RPS6KA1: variants seen among roughly 807,000 people sequenced by gnomAD.
The protein encoded by RPS6KA1 is ribosomal protein S6 kinase A1.
RPS6KA1 carries 48 observed loss-of-function variants against 91.3 expected under a neutral mutation model. That is an observed-to-expected ratio of 0.53 (90% CI 0.42 to 0.67). The LOEUF (loss-of-function observed/expected upper bound fraction) is 0.67. RPS6KA1 is among the 30% of genes least tolerant of loss of function. The pLI is 0.00. For missense variants in RPS6KA1, 719 were observed against 960.5 expected (o/e 0.75, Z 3.32); for synonymous variants, 359 against 384.7 (o/e 0.93, Z 0.78).
At chr1:26,542,145 CG>C (rs1481115562) in intron 2 of RPS6KA1, among the ~76,000 whole-genome samples, 3 of 152,164 alleles carry the variant, frequency 2.0e-5, no homozygotes, top group Non-Finnish European at 4.4e-5. Flanking sequence ...TATCTCAGCC[CG>C]TATCTGGAGA....
intron 2 of RPS6KA1, chr1:26,544,127 T>C (rs1251354240): frequency 2.2e-6 from 1 of 456,340 alleles, no homozygotes; most frequent in East Asian, 7.0e-5. Context: ...TGGGGATCCC[T>C]GCCCTGCTGC....
At chr1:26,541,122 T>C (rs1463427057) in intron 2 of RPS6KA1, among the ~76,000 whole-genome samples, 1 of 151,730 alleles carries the variant, frequency 6.6e-6, no homozygotes, top group Non-Finnish European at 1.5e-5. Context: ...ATTAGCCAGA[T>C]GTGGTGGTAC....
At position 26,554,755 on chromosome 1, in the gene RPS6KA1, G is replaced by C; in HGVS notation, c.756+17G>C. The stretch of plus-strand genomic sequence containing the variant: ...GTGTTGATGGTGAGTGCCCAGACAG[G>C]GGTAAAGGATCCAGCCCAAGCCTCT... On this transcript the variant is annotated intron_variant, in intron 9 of 21. Coordinates refer to ENST00000374168, the MANE Select transcript of RPS6KA1 (RefSeq NM_002953.4). The surrounding 1 kb of genome is among the most constrained non-coding windows in gnomAD (Gnocchi z 4.6). The C allele has an allele frequency of 6.3e-7, 1 of 1,587,916 alleles. No individual in the cohort carries two copies. The highest frequency in any genetic ancestry group is 8.6e-7 in the Non-Finnish European group (1 of 1,160,902).
At position 26,561,064 on chromosome 1, in the gene RPS6KA1, G is replaced by A. The variant is rs757431803; in HGVS notation, c.1361G>A (p.Arg454Gln). ...CTTCAGGTCATTGATAAGAGCAAGCGGGATCCTTCAGAAGAGATTGAGATT... is the reference window on the plus strand; with the variant it reads ...CTTCAGGTCATTGATAAGAGCAAGCAGGATCCTTCAGAAGAGATTGAGATT... ...YAVKVIDKSKRDPSEEIEILL... is the reference protein window; with the variant it reads ...YAVKVIDKSKQDPSEEIEILL... The change falls in exon 16 of 22, where the codon CGG becomes CAG. Residue 454 changes from arginine (R) to glutamine (Q), a missense_variant. Coordinates refer to ENST00000374168, the MANE Select transcript of RPS6KA1 (RefSeq NM_002953.4). This position sits in a 1 kb window ranked among gnomAD's most constrained non-coding sequence, Gnocchi z 5.7. 23 of 1,613,812 alleles carry A rather than the reference G, an allele frequency of 1.4e-5. No individual in the cohort carries two copies. The highest frequency in any genetic ancestry group is 5.0e-5 in the Admixed American group (3 of 59,976).
At chr1:26,567,715 C>T (rs1570461607) in intron 17 of RPS6KA1, among the ~76,000 whole-genome samples, 1 of 152,154 alleles carries the variant, frequency 6.6e-6, no homozygotes, top group African/African-American at 2.4e-5. Context: ...GTCACTGTGT[C>T]TTAACATCCA....
At chr1:26,549,531 T>C (rs904673993) in intron 4 of RPS6KA1, among the ~76,000 whole-genome samples, 4 of 150,878 alleles carry the variant, frequency 2.7e-5, no homozygotes, top group Non-Finnish European at 5.9e-5. Context: ...ATCACACCAC[T>C]GCACTCCAGC....
At chr1:26,573,944 A>G in intron 21 of RPS6KA1, 135 bp from the exon 22 acceptor site, 1 of 1,075,150 alleles carries the variant, frequency 9.3e-7, no homozygotes, top group Non-Finnish European at 1.3e-6. Flanking sequence ...TCTCAAAAAA[A>G]AAAAAACAAC....
rs1162611508 is a variant in RPS6KA1 at position 26,558,176 on chromosome 1, T to C, written c.1085-631T>C. On this transcript the variant is annotated intron_variant, in intron 13 of 21. Coordinates refer to ENST00000374168, the MANE Select transcript of RPS6KA1 (RefSeq NM_002953.4). The surrounding 1 kb of genome is among the most constrained non-coding windows in gnomAD (Gnocchi z 4.0). ...CGTGACAAGTGCAGCTTCGTAGGAG[T>C]CAGGGGCCGGAGGAGCAGCATCAGG... Among the ~76,000 whole-genome samples, 1 of 151,660 alleles carries C rather than the reference T, an allele frequency of 6.6e-6. No individual in the cohort carries two copies. Among genetic ancestry groups the C allele is most frequent in the Non-Finnish European group, 1.5e-5 (1 of 67,930 alleles).
rs187785931 is a variant in RPS6KA1 at position 26,533,359 on chromosome 1, G to C, written c.63+3376G>C. Among the ~76,000 whole-genome samples the C allele has an allele frequency of 4.6e-3, 702 of 152,214 alleles. 4 individuals are homozygous for C. Among genetic ancestry groups the C allele is most frequent in the African/African-American group, 0.016 (668 of 41,564 alleles). Reference sequence around the variant, plus strand: ...GGCCTCTTGGCCTCAGCCTCCCAAAGTGCTGGGATTACAGACATGAGCCAC... The same window carrying C: ...GGCCTCTTGGCCTCAGCCTCCCAAACTGCTGGGATTACAGACATGAGCCAC... On this transcript the variant is annotated intron_variant, in intron 1 of 21. Transcript: ENST00000374168.
chr1:26,544,321 G>C (rs763807660), intron 2 of RPS6KA1: 4 of 421,176 alleles, frequency 9.5e-6, no homozygotes, highest in African/African-American at 8.1e-5. Context: ...CATGTTAGGT[G>C]CCTGTTGTTC....
Position 26,540,793 on chromosome 1 carries a change from A to G in RPS6KA1, c.108+3824A>G, listed in dbSNP as rs948942119. On this transcript the variant is annotated intron_variant, in intron 2 of 21. Coordinates refer to ENST00000374168, the MANE Select transcript of RPS6KA1 (RefSeq NM_002953.4). The surrounding 1 kb of genome is among the most constrained non-coding windows in gnomAD (Gnocchi z 4.2). ...CAGGGAGACCCATCCTCTACAAAAA[A>G]CAAAATTTTTTTTTGAGATGGAGTT... Among the ~76,000 whole-genome samples the G allele has an allele frequency of 1.3e-5, 2 of 152,008 alleles. No individual in the cohort carries two copies. The highest frequency in any genetic ancestry group is 2.9e-5 in the Non-Finnish European group (2 of 67,998).
intron 17 of RPS6KA1, among the ~76,000 whole-genome samples, chr1:26,565,924 A>G (rs1023850075): frequency 6.6e-5 from 10 of 152,216 alleles, no homozygotes; most frequent in South Asian, 2.1e-4. Flanking sequence ...AGATCCATCC[A>G]CATTGTTTTG....
intron 2 of RPS6KA1, among the ~76,000 whole-genome samples, chr1:26,545,419 G>A (rs1417166195): frequency 2.7e-5 from 4 of 149,756 alleles, no homozygotes; most frequent in African/African-American, 7.4e-5. Flanking sequence ...CTCATGATCC[G>A]CCCGCCTCAG....
rs946837663 is a variant in RPS6KA1 at position 26,567,572 on chromosome 1, G to A, written c.1591-3877G>A. 2.0e-4 allele frequency among the ~76,000 whole-genome samples: 31 copies of A among 152,060 alleles called. 1 individual carries two copies. The highest frequency in any genetic ancestry group is 1.8e-3 in the Admixed American group (27 of 15,254). On this transcript the variant is annotated intron_variant, in intron 17 of 21. Coordinates refer to ENST00000374168, the MANE Select transcript of RPS6KA1 (RefSeq NM_002953.4). ...ACTTTTGTATTTTTAGTAGAGACGGGGTTTCTCCATGTTGGTAAGGCTGGT... is the reference window on the plus strand; with the variant it reads ...ACTTTTGTATTTTTAGTAGAGACGGAGTTTCTCCATGTTGGTAAGGCTGGT...
intron 4 of RPS6KA1, among the ~76,000 whole-genome samples, chr1:26,548,056 C>G (rs1570433431): frequency 6.6e-6 from 1 of 152,078 alleles, no homozygotes; most frequent in East Asian, 1.9e-4. Flanking sequence ...TGATCCCAGT[C>G]AGAGCCAAAT....
At position 26,547,420 on chromosome 1, in the gene RPS6KA1, C is replaced by T; in HGVS notation, c.307+150C>T. 1 of 636,590 alleles carries T rather than the reference C, an allele frequency of 1.6e-6. No individual in the cohort carries two copies. The highest frequency in any genetic ancestry group is 2.8e-6 in the Non-Finnish European group (1 of 359,842). The allele number at this position is 636,590 out of a possible 1,614,324, so 39.4% of individuals were successfully genotyped here. A position where few individuals can be genotyped will look rare whatever the true frequency, so the allele number is the denominator to read the frequency against. On this transcript the variant is annotated intron_variant, in intron 4 of 21. Coordinates refer to ENST00000374168, the MANE Select transcript of RPS6KA1 (RefSeq NM_002953.4). This position sits in a 1 kb window ranked among gnomAD's most constrained non-coding sequence, Gnocchi z 4.1. ...AGAAACAGGCCTATTTCTCAGCTAT[C>T]CCTCGCCAGCCAATCCTCCTCCCCC...
rs2075937569 is a variant in RPS6KA1, at chr1:26,540,311, G to A, written c.108+3342G>A. On this transcript the variant is annotated intron_variant, in intron 2 of 21. Coordinates refer to ENST00000374168, the MANE Select transcript of RPS6KA1 (RefSeq NM_002953.4). This position sits in a 1 kb window ranked among gnomAD's most constrained non-coding sequence, Gnocchi z 4.2. The stretch of plus-strand genomic sequence containing the variant: ...GACAGGGAAACAGATTTGCCCGGGA[G>A]CACCCAGCTAGTGAGTGGCCAGCTC... Among the ~76,000 whole-genome samples, 1 of 152,200 alleles carries A rather than the reference G, an allele frequency of 6.6e-6. No individual in the cohort carries two copies. Among genetic ancestry groups the A allele is most frequent in the Non-Finnish European group, 1.5e-5 (1 of 68,038 alleles).
At position 26,554,493 on chromosome 1, in the gene RPS6KA1, G is replaced by T; in HGVS notation, c.614-103G>T. The T allele has an allele frequency of 6.9e-7, 1 of 1,442,974 alleles. No individual in the cohort carries two copies. Among genetic ancestry groups the T allele is most frequent in the Non-Finnish European group, 9.5e-7 (1 of 1,057,344 alleles). The allele number at this position is 1,442,974 out of a possible 1,614,324, so 89.4% of individuals were successfully genotyped here. ...TTAGCTTCCTCCTGAGTGTCATGGG[G>T]GTGATGCCTTCTGGCCTCTGGGCAC... is the stretch of plus-strand genomic sequence containing the variant. On this transcript the variant is annotated intron_variant, in intron 8 of 21. Transcript: ENST00000374168. This position sits in a 1 kb window ranked among gnomAD's most constrained non-coding sequence, Gnocchi z 4.6.
At position 26,555,481 on chromosome 1, in the gene RPS6KA1, G is replaced by A. The variant is rs1324601483; in HGVS notation, c.828-56G>A. 4.0e-6 allele frequency: 6 copies of A among 1,488,744 alleles called. No homozygotes were observed. Among genetic ancestry groups the A allele is most frequent in the African/African-American group, 2.8e-5 (2 of 71,782 alleles). The allele number at this position is 1,488,744 out of a possible 1,614,324, so 92.2% of individuals were successfully genotyped here. Reference sequence around the variant, plus strand: ...AACTAGATCTGGACAGGGGCCGGGGGAGATGGGGCCTCTGGGGCAGGGCTC... The same window carrying A: ...AACTAGATCTGGACAGGGGCCGGGGAAGATGGGGCCTCTGGGGCAGGGCTC... On this transcript the variant is annotated intron_variant, in intron 10 of 21. Transcript: ENST00000374168. This position sits in a 1 kb window ranked among gnomAD's most constrained non-coding sequence, Gnocchi z 4.3.
Sources: gnomAD v4.1 joint callset for allele counts (sites outside exome capture counted in the v4.1 genomes callset) on GRCh38, gnomAD v4.1.1 for gene constraint, Gnocchi (gnomAD v3.1) non-coding constraint, MANE v1.5 for transcripts, NCBI Gene and HGNC (gene_info 2026-07-23, HGNC 2026-07-21) for gene names.